The following CELSR1 variants were observed in gnomAD, a reference collection of about 807,000 sequenced individuals.
CELSR1 encodes the protein cadherin EGF LAG seven-pass G-type receptor 1, also known as adhesion G protein-coupled receptor C1.
CELSR1 carries 110 observed loss-of-function variants against 249.1 expected under a neutral mutation model. The observed-to-expected ratio is 0.44, with a 90% confidence interval of 0.38 to 0.52. The LOEUF is 0.52. Ranked by LOEUF, CELSR1 falls within the 20% of genes least tolerant of loss-of-function variation. The probability of loss-of-function intolerance (pLI) is 0.00; values close to 1 mark genes in which losing one functional copy is unlikely to be tolerated. For synonymous variants in CELSR1, 2,113 were observed against 1,900.0 expected (o/e 1.11, Z -2.92); for missense variants, 4,109 against 4,296.4 (o/e 0.96, Z 1.22).
chr22:46,516,016 A>G (rs2080623786), intron 1 of CELSR1, among the ~76,000 whole-genome samples: 1 of 152,236 alleles, frequency 6.6e-6, no homozygotes, highest in African/African-American at 2.4e-5. Context: ...GTGGGACTGC[A>G]AACTAGTTGA....
rs758746113 is a variant in CELSR1, at chr22:46,380,904, G to A, written c.7140C>T (p.Tyr2380=). 6 of 1,613,634 alleles carry A rather than the reference G, an allele frequency of 3.7e-6. No individual in the cohort carries two copies. The South Asian group carries it at 4.4e-5, about 12-fold the overall frequency. ...INTPMVSTLV[Y]SEGAPLPRPL... is the part of the protein sequence containing the mutation. Reference sequence around the variant, plus strand: ...GTCTCGGGAGCGGAGCCCCCTCGCTGTACACCAGCGTGCTCACCATCGGGG... The same window carrying A: ...GTCTCGGGAGCGGAGCCCCCTCGCTATACACCAGCGTGCTCACCATCGGGG... The change falls in exon 22 of 35, where the codon TAC becomes TAT. Residue 2380 remains tyrosine, a synonymous_variant. Coordinates refer to ENST00000674500, the MANE Select transcript of CELSR1 (RefSeq NM_001378328.1). This position sits in a 1 kb window ranked among gnomAD's most constrained non-coding sequence, Gnocchi z 5.1.
chr22:46,478,451 T>C (rs1374393572), intron 1 of CELSR1, among the ~76,000 whole-genome samples: 1 of 152,154 alleles, frequency 6.6e-6, no homozygotes, highest in Non-Finnish European at 1.5e-5. Flanking sequence ...AATGCGGCCC[T>C]GAGCACCTGC....
Position 46,391,412 on chromosome 22 carries a change from C to A in CELSR1, c.6149-125G>T. On this transcript the variant is annotated intron_variant, in intron 15 of 34. Coordinates refer to ENST00000674500, the MANE Select transcript of CELSR1 (RefSeq NM_001378328.1). The surrounding 1 kb of genome is among the most constrained non-coding windows in gnomAD (Gnocchi z 4.3). ...GCTCCCACCAAGAACCGAACCCTAG[C>A]ATCTCCCCTGCCCCCATCCATGTCA... is the stretch of plus-strand genomic sequence containing the variant. The A allele has an allele frequency of 1.1e-6, 1 of 933,192 alleles. No homozygotes were observed. Among genetic ancestry groups the A allele is most frequent in the Middle Eastern group, 2.6e-4 (1 of 3,840 alleles). 57.8% of individuals were successfully genotyped at this position (933,192 alleles called of 1,614,324 possible). A position where few individuals can be genotyped will look rare whatever the true frequency, so the allele number is the denominator to read the frequency against.
rs139285453 is a variant in CELSR1 at position 46,437,522 on chromosome 22, G to A, written c.4407-1233C>T. On this transcript the variant is annotated intron_variant, in intron 3 of 34. Transcript: ENST00000674500. The surrounding 1 kb of genome is among the most constrained non-coding windows in gnomAD (Gnocchi z 4.9). The stretch of plus-strand genomic sequence containing the variant: ...TGTAATCCCAGCACTTTGGGAGGCC[G>A]AGGTGGGTGGATCACCTGAGGTCAG... Among the ~76,000 whole-genome samples the A allele has an allele frequency of 1.5e-3, 233 of 152,306 alleles. 2 individuals carry two copies. Among genetic ancestry groups the A allele is most frequent in the African/African-American group, 5.1e-3 (213 of 41,574 alleles).
In CELSR1 at chr22:46,362,523, T is replaced by A. The variant is rs1399750494; in HGVS notation, c.*700A>T. Reference sequence around the variant, plus strand: ...TGGTTTTAGCCCCACTGCTGACGTATTTCCCACCTTTGATCTGCTGGGGCA... The same window carrying A: ...TGGTTTTAGCCCCACTGCTGACGTAATTCCCACCTTTGATCTGCTGGGGCA... On this transcript the variant is annotated 3_prime_UTR_variant, in exon 35 of 35. Transcript: ENST00000674500. 1.3e-5 allele frequency: 2 copies of A among 152,540 alleles called. No homozygotes were observed. Among genetic ancestry groups the A allele is most frequent in the African/African-American group, 2.4e-5 (1 of 41,458 alleles). 9.4% of individuals were successfully genotyped at this position (152,540 alleles called of 1,614,324 possible).
intron 31 of CELSR1, 71 bp from the exon 32 acceptor site, chr22:46,365,451 A>G: frequency 6.3e-7 from 1 of 1,584,282 alleles, no homozygotes; most frequent in Non-Finnish European, 8.6e-7. Context: ...GGCCAAGCAG[A>G]GCCACTGGGC....
At position 46,473,680 on chromosome 22, in the gene CELSR1, G is replaced by T. The variant is rs2080178684; in HGVS notation, c.3545-9335C>A. Among the ~76,000 whole-genome samples, 1 of 152,204 alleles carries T rather than the reference G, an allele frequency of 6.6e-6. No homozygotes were observed. The highest frequency in any genetic ancestry group is 2.1e-4 in the South Asian group (1 of 4,834). ...GCGTTGCTTGCTGTCCAGCTGGTAA[G>T]AGACACAGGGTGCGTGCCTGTCCTT... On this transcript the variant is annotated intron_variant, in intron 1 of 34. Coordinates refer to ENST00000674500, the MANE Select transcript of CELSR1 (RefSeq NM_001378328.1). This position sits in a 1 kb window ranked among gnomAD's most constrained non-coding sequence, Gnocchi z 6.6.
At position 46,429,015 on chromosome 22, in the gene CELSR1, C is replaced by G. The variant is rs115460465; in HGVS notation, c.4611+4378G>C. On this transcript the variant is annotated intron_variant, in intron 5 of 34. Coordinates refer to ENST00000674500, the MANE Select transcript of CELSR1 (RefSeq NM_001378328.1). This position sits in a 1 kb window ranked among gnomAD's most constrained non-coding sequence, Gnocchi z 4.1. ...TTGCTGGCACGTCTGTGTCCCCGAC[C>G]CTGCCAGGAGCTCCTGGAACAAGGT... Among the ~76,000 whole-genome samples, 1,429 of 152,238 alleles carry G rather than the reference C, an allele frequency of 9.4e-3. 28 individuals carry two copies. The highest frequency in any genetic ancestry group is 0.032 in the African/African-American group (1,328 of 41,546).
At chr22:46,438,621 T>G (rs71313047) in intron 3 of CELSR1, among the ~76,000 whole-genome samples, 9,291 of 152,246 alleles carry the variant, frequency 0.061, 305 homozygotes, top group Middle Eastern at 0.088. Flanking sequence ...CAGCGTAACA[T>G]TCCCTTGTGC....
intron 1 of CELSR1, among the ~76,000 whole-genome samples, chr22:46,520,886 C>A (rs1233295960): frequency 1.3e-5 from 2 of 152,198 alleles, no homozygotes; most frequent in Non-Finnish European, 1.5e-5. Context: ...AACGCAACTC[C>A]TGTCCCCTCC....
Position 46,441,812 on chromosome 22 carries a change from T to C in CELSR1, c.4184-2401A>G, listed in dbSNP as rs1379763052. On this transcript the variant is annotated intron_variant, in intron 2 of 34. Transcript: ENST00000674500. The surrounding 1 kb of genome is among the most constrained non-coding windows in gnomAD (Gnocchi z 6.1). ...CCAGAGCAGATATGTATGAGACAAC[T>C]GGCAATTTTAAAAGACTAGTGAACA... is the stretch of plus-strand genomic sequence containing the variant. 1.3e-5 allele frequency among the ~76,000 whole-genome samples: 2 copies of C among 152,226 alleles called. No homozygotes were observed. The highest frequency in any genetic ancestry group is 3.8e-4 in the East Asian group (2 of 5,204).
Position 46,386,582 on chromosome 22 carries a change from C to T in CELSR1, c.6559G>A (p.Val2187Ile), listed in dbSNP as rs375402929. 4.3e-5 allele frequency: 69 copies of T among 1,589,958 alleles called. No individual in the cohort carries two copies. Among genetic ancestry groups the T allele is most frequent in the Admixed American group, 4.0e-4 (23 of 57,066 alleles). The change falls in exon 19 of 35, where the codon GTC becomes ATC. Residue 2187 changes from valine to isoleucine, a missense_variant. By Grantham distance (29) the Val-to-Ile change is conservative (BLOSUM62 3). Around this residue, in one of 7 missense-constraint regions of CELSR1, gnomAD observed 1,805 missense variants for 1,831.6 expected, o/e 0.99. Coordinates refer to ENST00000674500, the MANE Select transcript of CELSR1 (RefSeq NM_001378328.1). Reference protein sequence around the residue: ...ATQDADFHEDVIHSGSALLAP... With the variant: ...ATQDADFHEDIIHSGSALLAP... Reference sequence around the variant, plus strand: ...AGGAGGGCGCTGCCCGAGTGGATGACGTCCTGGTCAGACAGACAGCACTCA... The same window carrying T: ...AGGAGGGCGCTGCCCGAGTGGATGATGTCCTGGTCAGACAGACAGCACTCA...
Position 46,381,096 on chromosome 22 carries a change from AC to A in CELSR1, c.7089-142del. On this transcript the variant is annotated intron_variant, in intron 21 of 34. Transcript: ENST00000674500. This position sits in a 1 kb window ranked among gnomAD's most constrained non-coding sequence, Gnocchi z 6.0. ...ACACTCCGAGAGCTCGGACCCACGG[AC>A]CCCACAGTATCTTCATCCCTAGAGC... The A allele has an allele frequency of 1.2e-6, 1 of 823,888 alleles. No individual in the cohort carries two copies. Among genetic ancestry groups the A allele is most frequent in the Non-Finnish European group, 1.9e-6 (1 of 529,354 alleles). 51.0% of individuals were successfully genotyped at this position (823,888 alleles called of 1,614,324 possible). A position where few individuals can be genotyped will look rare whatever the true frequency, so the allele number is the denominator to read the frequency against.
rs1188580259 is a variant in CELSR1, at chr22:46,433,283, C to T, written c.4611+110G>A. The T allele has an allele frequency of 1.3e-6, 1 of 755,904 alleles. No individual in the cohort carries two copies. The allele number at this position is 755,904 out of a possible 1,614,324, so 46.8% of individuals were successfully genotyped here. ...CTCCTGACCTCAGGTAATCCACCTG[C>T]CTTGGCCTCTCAAAGTGCTGGGATT... is the stretch of plus-strand genomic sequence containing the variant. On this transcript the variant is annotated intron_variant, in intron 5 of 34. Coordinates refer to ENST00000674500, the MANE Select transcript of CELSR1 (RefSeq NM_001378328.1). This position sits in a 1 kb window ranked among gnomAD's most constrained non-coding sequence, Gnocchi z 5.7.
At position 46,535,021 on chromosome 22, in the gene CELSR1, T is replaced by C. The variant is rs1436683563; in HGVS notation, c.2150A>G (p.Asn717Ser). 6 of 1,612,512 alleles carry C rather than the reference T, an allele frequency of 3.7e-6. No individual in the cohort carries two copies. The East Asian group carries it at 1.3e-4, about 36-fold the overall frequency. The change falls in exon 1 of 35, where the codon AAC becomes AGC. Residue 717 changes from asparagine (N) to serine (S), a missense_variant. Asn to Ser is a conservative substitution (Grantham distance 46, BLOSUM62 1). Around this residue, in one of 7 missense-constraint regions of CELSR1, gnomAD observed 886 missense variants for 896.5 expected, o/e 0.99. Coordinates refer to ENST00000674500, the MANE Select transcript of CELSR1 (RefSeq NM_001378328.1). ...LTLQARDRDA[N>S]SVITYQLTGG... ...TGTGAGCTGGTAGGTAATCACACTG[T>C]TGGCGTCACGGTCGCGGGCCTGCAG...
At chr22:46,422,601 A>T (rs1385010359) in intron 5 of CELSR1, among the ~76,000 whole-genome samples, 2 of 149,844 alleles carry the variant, frequency 1.3e-5, no homozygotes, top group Non-Finnish European at 3.0e-5. Flanking sequence ...AAAAATAAAT[A>T]AATAAATAAA....
chr22:46,533,461 C>T (rs944384515), intron 1 of CELSR1, among the ~76,000 whole-genome samples, 166 bp downstream of exon 1: 2 of 152,224 alleles, frequency 1.3e-5, no homozygotes, highest in Non-Finnish European at 2.9e-5. Context: ...TGGGCCTAGG[C>T]CGGGCGCCCA....
At position 46,411,113 on chromosome 22, in the gene CELSR1, G is replaced by A. The variant is rs1261830333; in HGVS notation, c.4769+489C>T. 7.2e-5 allele frequency among the ~76,000 whole-genome samples: 11 copies of A among 152,144 alleles called. No individual in the cohort carries two copies. On this transcript the variant is annotated intron_variant, in intron 6 of 34. Transcript: ENST00000674500. The surrounding 1 kb of genome is among the most constrained non-coding windows in gnomAD (Gnocchi z 4.2). ...ACTCGGGAGGCTGTGGCAGGAGGAT[G>A]GCTTGAGTCCAGGAGGTCAAGGCTT...
At chr22:46,529,462 G>A (rs990047517) in intron 1 of CELSR1, among the ~76,000 whole-genome samples, 1 of 151,936 alleles carries the variant, frequency 6.6e-6, no homozygotes, top group Non-Finnish European at 1.5e-5. Context: ...TGGGAAGGGG[G>A]TAGCAGGAGG....
Sources: gnomAD v4.1 joint callset for allele counts (sites outside exome capture counted in the v4.1 genomes callset) on GRCh38, gnomAD v4.1.1 for gene constraint, gnomAD v4.1.1 regional missense constraint, Gnocchi (gnomAD v3.1) non-coding constraint, MANE v1.5 for transcripts, NCBI Gene and HGNC (gene_info 2026-07-23, HGNC 2026-07-21) for gene names.